GRB10: variants seen among roughly 807,000 people sequenced by gnomAD.
GRB10 encodes growth factor receptor-bound protein 10.
In GRB10, 20 loss-of-function variants were observed where a neutral mutation model predicts 80.9. That is an observed-to-expected ratio of 0.25 (90% CI 0.17 to 0.36). GRB10 has a LOEUF of 0.36. Among genes scored for constraint, GRB10 ranks in the 10% least tolerant of loss-of-function variants. The pLI is 1.00. For synonymous variants in GRB10, 291 were observed against 291.5 expected, an observed-to-expected ratio of 1.00 and a Z score of 0.02; for missense variants, 548 against 747.7, an observed-to-expected ratio of 0.73 and a Z score of 3.12.
intron 11 of GRB10, among the ~76,000 whole-genome samples, chr7:50,615,382 C>A (rs28649115): frequency 0.027 from 4,128 of 152,282 alleles, 196 homozygotes; most frequent in African/African-American, 0.094. Flanking sequence ...GGACAGTGAG[C>A]GGGCCACACA....
intron 4 of GRB10, among the ~76,000 whole-genome samples, chr7:50,711,728 A>C (rs569845352): frequency 6.6e-6 from 1 of 152,154 alleles, no homozygotes. Flanking sequence ...GATACAGTGT[A>C]GTTACAGATT....
Position 50,696,170 on chromosome 7 carries a change from C to A in GRB10, c.139+7651G>T, listed in dbSNP as rs570559005. Among the ~76,000 whole-genome samples the A allele has an allele frequency of 9.9e-5, 15 of 152,266 alleles. No individual in the cohort carries two copies. In the South Asian group the frequency reaches 2.5e-3, roughly 25 times the overall value. ...TTGAATTGAAATGGATATACATGCACACACATGCACACGTCATTGAAATAA... is the reference window on the plus strand; with the variant it reads ...TTGAATTGAAATGGATATACATGCAAACACATGCACACGTCATTGAAATAA... On this transcript the variant is annotated intron_variant, in intron 5 of 18. Transcript: ENST00000401949.
At chr7:50,615,640 G>A (rs2050474716) in intron 11 of GRB10, among the ~76,000 whole-genome samples, 1 of 152,198 alleles carries the variant, frequency 6.6e-6, no homozygotes. Flanking sequence ...GCCAGGTATT[G>A]GGTGGACAAG....
chr7:50,762,991 G>A (rs1039880925), intron 2 of GRB10, among the ~76,000 whole-genome samples: 8 of 152,012 alleles, frequency 5.3e-5, no homozygotes, highest in African/African-American at 1.7e-4. Flanking sequence ...GGTGGTGGAC[G>A]CCTGTAGTCC....
intron 8 of GRB10, 34 bp from the exon 9 acceptor site, chr7:50,619,319 C>A (rs1264879896): frequency 3.2e-6 from 4 of 1,253,282 alleles, no homozygotes; most frequent in Non-Finnish European, 4.7e-6. Context: ...TGAGACGCAA[C>A]AGGTGGGAAA....
intron 12 of GRB10, among the ~76,000 whole-genome samples, chr7:50,613,307 C>A (rs2049919449): frequency 1.3e-5 from 2 of 151,990 alleles, no homozygotes; most frequent in Non-Finnish European, 2.9e-5. Context: ...AGAGGGGCAA[C>A]CCCTGAGGAG....
At chr7:50,771,030 C>T (rs1021253619) in intron 2 of GRB10, among the ~76,000 whole-genome samples, 4 of 152,022 alleles carry the variant, frequency 2.6e-5, no homozygotes, top group East Asian at 1.9e-4. Flanking sequence ...CTTCAATGTG[C>T]CCTGTGGAAC....
intron 1 of GRB10, chr7:50,792,589 C>T (rs1338548696): frequency 5.0e-6 from 2 of 398,078 alleles, no homozygotes; most frequent in Non-Finnish European, 8.9e-6. Flanking sequence ...GGCGGCTAAT[C>T]CGCGAGCCCT....
chr7:50,596,781 G>A (rs2046734124), intron 17 of GRB10, among the ~76,000 whole-genome samples: 1 of 152,294 alleles, frequency 6.6e-6, no homozygotes, highest in South Asian at 2.1e-4. Flanking sequence ...GTATCTGGGC[G>A]AAGTGTGTAT....
intron 3 of GRB10, among the ~76,000 whole-genome samples, chr7:50,743,151 T>C (rs578110576): frequency 5.4e-4 from 82 of 152,312 alleles, no homozygotes; most frequent in Non-Finnish European, 8.8e-4. Context: ...AAGGGACAGA[T>C]TCAAGAGCTA....
intron 7 of GRB10, among the ~76,000 whole-genome samples, chr7:50,658,212 A>T (rs1008245216): frequency 2.6e-5 from 4 of 152,212 alleles, no homozygotes; most frequent in African/African-American, 9.6e-5. Flanking sequence ...ACGTTCAGTG[A>T]GTGTAACAGG....
At chr7:50,604,111 T>C (rs756162008) in intron 16 of GRB10, 26 bp from the exon 17 acceptor site, 3 of 1,586,806 alleles carry the variant, frequency 1.9e-6, no homozygotes, top group Non-Finnish European at 1.7e-6. Context: ...AGGAGGAGGG[T>C]AGGATGGTGG....
At chr7:50,656,807 G>A (rs1017770181) in intron 7 of GRB10, among the ~76,000 whole-genome samples, 6 of 152,186 alleles carry the variant, frequency 3.9e-5, no homozygotes, top group African/African-American at 9.7e-5. Context: ...ACTCTATCCC[G>A]GATGTGGTAA....
chr7:50,755,613 C>T (rs2074955836), intron 3 of GRB10, among the ~76,000 whole-genome samples: 1 of 152,048 alleles, frequency 6.6e-6, no homozygotes, highest in South Asian at 2.1e-4. Context: ...GGCATGTCCG[C>T]GAGGAGAGTG....
At chr7:50,730,162 G>A (rs1474394426) in intron 4 of GRB10, among the ~76,000 whole-genome samples, 4 of 152,166 alleles carry the variant, frequency 2.6e-5, no homozygotes, top group Non-Finnish European at 5.9e-5. Flanking sequence ...AGTCTTAAAA[G>A]TGAAGTGGGT....
intron 9 of GRB10, among the ~76,000 whole-genome samples, chr7:50,618,649 G>A (rs1166524434): frequency 2.0e-5 from 3 of 152,216 alleles, no homozygotes. Context: ...GACAGCGAGT[G>A]CCCCAGGAGC....
intron 2 of GRB10, among the ~76,000 whole-genome samples, chr7:50,758,942 T>C (rs1043676997): frequency 6.6e-6 from 1 of 152,108 alleles, no homozygotes; most frequent in Non-Finnish European, 1.5e-5. Flanking sequence ...CCCAACACTT[T>C]GGGAAGCCAA....
At chr7:50,743,421 G>GT (rs1157603921) in intron 3 of GRB10, among the ~76,000 whole-genome samples, 2 of 152,320 alleles carry the variant, frequency 1.3e-5, no homozygotes, top group African/African-American at 2.4e-5. Context: ...GCTTTGAAAC[G>GT]TAAGCGTGGG....
At chr7:50,657,479 A>G (rs1338336243) in intron 7 of GRB10, among the ~76,000 whole-genome samples, 2 of 152,146 alleles carry the variant, frequency 1.3e-5, no homozygotes, top group African/African-American at 4.8e-5. Context: ...CCGTGAACAA[A>G]AAGAGAGGAA....
Sources: gnomAD v4.1 joint callset for allele counts (sites outside exome capture counted in the v4.1 genomes callset) on GRCh38, gnomAD v4.1.1 for gene constraint, MANE v1.5 for transcripts, NCBI Gene and HGNC (gene_info 2026-07-23, HGNC 2026-07-21) for gene names.